DLGAP2: variants seen among roughly 807,000 people sequenced by gnomAD.
The protein encoded by DLGAP2 is DLG associated protein 2.
In DLGAP2, 26 loss-of-function variants were observed where a neutral mutation model predicts 100.3. The ratio of observed to expected loss-of-function variants is 0.26; its 90% CI spans 0.19 to 0.36. The LOEUF (loss-of-function observed/expected upper bound fraction) is 0.36. Ranked by LOEUF, DLGAP2 falls within the 10% of genes least tolerant of loss-of-function variation. The pLI is 1.00. For missense variants in DLGAP2, 1,858 were observed against 1,453.2 expected (o/e 1.28, Z -4.53); for synonymous variants, 886 against 630.1 (o/e 1.41, Z -6.08).
chr8:1,318,926 C>G (rs559756303), intron 3 of DLGAP2, among the ~76,000 whole-genome samples: 1 of 152,046 alleles, frequency 6.6e-6, no homozygotes, highest in South Asian at 2.1e-4. Flanking sequence ...AGGATTAACT[C>G]AAAACGCTCA....
chr8:1,697,908 A>G (rs1490313351), intron 14 of DLGAP2, among the ~76,000 whole-genome samples: 1 of 152,242 alleles, frequency 6.6e-6, no homozygotes, highest in Non-Finnish European at 1.5e-5. Flanking sequence ...CAGAAGAACT[A>G]GTAGATAGTT....
intron 2 of DLGAP2, among the ~76,000 whole-genome samples, chr8:1,230,843 T>G (rs73186531): frequency 0.13 from 20,003 of 152,140 alleles, 1,460 homozygotes; most frequent in South Asian, 0.19. Flanking sequence ...TTTCAGCATA[T>G]GCAAAAATTA....
intron 3 of DLGAP2, among the ~76,000 whole-genome samples, chr8:1,279,800 G>A (rs1585218268): frequency 6.6e-6 from 1 of 152,306 alleles, no homozygotes; most frequent in East Asian, 1.9e-4. Context: ...GCAGGTTGGA[G>A]TCTCATCACC....
intron 1 of DLGAP2, among the ~76,000 whole-genome samples, chr8:899,222 C>G (rs993935475): frequency 3.3e-5 from 5 of 152,242 alleles, no homozygotes; most frequent in African/African-American, 1.2e-4. Flanking sequence ...TCCTTCAGTC[C>G]TCAGCTGCCC....
At chr8:854,052 C>T (rs1056814903) in intron 1 of DLGAP2, among the ~76,000 whole-genome samples, 1 of 152,174 alleles carries the variant, frequency 6.6e-6, no homozygotes, top group Non-Finnish European at 1.5e-5. Context: ...AGGCCCTCGG[C>T]AGAGAGTGGA....
At chr8:810,005 T>A (rs1417185242) in intron 1 of DLGAP2, among the ~76,000 whole-genome samples, 3 of 152,236 alleles carry the variant, frequency 2.0e-5, no homozygotes, top group Admixed American at 1.3e-4. Context: ...ACTCTGCACC[T>A]GACAATCTGC....
At chr8:1,512,649 C>G (rs1184233908) in intron 4 of DLGAP2, among the ~76,000 whole-genome samples, 2 of 152,176 alleles carry the variant, frequency 1.3e-5, no homozygotes, top group Non-Finnish European at 2.9e-5. Context: ...TTGTTTTAGC[C>G]AAGCACGCTT....
chr8:940,377 AGG>A (rs1014973754), intron 2 of DLGAP2, among the ~76,000 whole-genome samples: 2 of 151,954 alleles, frequency 1.3e-5, no homozygotes, highest in African/African-American at 4.8e-5. Flanking sequence ...AGAGAGGGAG[AGG>A]GAGAGAGAGA....
intron 13 of DLGAP2, among the ~76,000 whole-genome samples, chr8:1,695,693 T>G (rs891316718): frequency 6.6e-6 from 1 of 152,110 alleles, no homozygotes; most frequent in Non-Finnish European, 1.5e-5. Flanking sequence ...TGTTCTTAGG[T>G]TGGCGAAGAC....
chr8:918,443 T>A (rs1798640358), intron 2 of DLGAP2, among the ~76,000 whole-genome samples: 1 of 152,192 alleles, frequency 6.6e-6, no homozygotes, highest in Non-Finnish European at 1.5e-5. Flanking sequence ...TAGACTGTTT[T>A]CTGATTGTGT....
chr8:983,670 C>G (rs1310682045), intron 2 of DLGAP2, among the ~76,000 whole-genome samples: 1 of 152,056 alleles, frequency 6.6e-6, no homozygotes, highest in Non-Finnish European at 1.5e-5. Context: ...TGGGATAGGA[C>G]CTTGCTCTGT....
At chr8:836,239 C>T (rs535371567) in intron 1 of DLGAP2, among the ~76,000 whole-genome samples, 4 of 152,314 alleles carry the variant, frequency 2.6e-5, no homozygotes, top group South Asian at 4.1e-4. Context: ...GCTTCCAGTG[C>T]CCCGCAAGGC....
At chr8:910,658 T>C (rs1169877662) in intron 2 of DLGAP2, 2 of 152,228 alleles carry the variant, frequency 1.3e-5, no homozygotes, top group African/African-American at 4.8e-5. Flanking sequence ...GCCTTTGGTT[T>C]GCAACCTACC....
At chr8:1,430,007 C>CATATATATATATATATATATATATATAT (rs60682299) in intron 3 of DLGAP2, among the ~76,000 whole-genome samples, 6 of 54,378 alleles carry the variant, frequency 1.1e-4, no homozygotes, top group Non-Finnish European at 1.8e-4. Flanking sequence ...CATATATATA[C>CATATATATATATATATATATATATATAT]ATATATATAT....
At chr8:1,267,220 A>C (rs1191449897) in intron 3 of DLGAP2, among the ~76,000 whole-genome samples, 2 of 147,604 alleles carry the variant, frequency 1.4e-5, no homozygotes, top group Non-Finnish European at 3.0e-5. Context: ...CAACAGAGCG[A>C]GACTTCATCT....
At chr8:771,181 C>T (rs866115034) in intron 1 of DLGAP2, among the ~76,000 whole-genome samples, 1 of 152,188 alleles carries the variant, frequency 6.6e-6, no homozygotes, top group Non-Finnish European at 1.5e-5. Context: ...AAACTCTAAA[C>T]ACTTAATCAT....
chr8:832,955 C>G (rs1324054091), intron 1 of DLGAP2, among the ~76,000 whole-genome samples: 3 of 152,166 alleles, frequency 2.0e-5, no homozygotes, highest in Non-Finnish European at 1.5e-5. Flanking sequence ...CCTCGTTTCT[C>G]TCACAACTCT....
chr8:1,528,759 A>C (rs1800881982), intron 4 of DLGAP2, among the ~76,000 whole-genome samples: 1 of 152,330 alleles, frequency 6.6e-6, no homozygotes, highest in South Asian at 2.1e-4. Flanking sequence ...TGGAAACAGG[A>C]GGATGAGCCA....
In DLGAP2 at chr8:1,226,224, C is replaced by T. The variant is rs36087431; in HGVS notation, c.74-32627C>T. 9.0e-3 allele frequency among the ~76,000 whole-genome samples: 1,363 copies of T among 152,150 alleles called. 12 individuals carry two copies. The highest frequency in any genetic ancestry group is 0.011 in the Non-Finnish European group (765 of 68,008). On this transcript the variant is annotated intron_variant, in intron 2 of 14. Coordinates refer to ENST00000637795, the MANE Select transcript of DLGAP2 (RefSeq NM_001346810.2). ...CACAAGAGCAAAGACACAGAATCAA[C>T]GCAAATGTCCATCAATGATAGACTG...
Sources: gnomAD v4.1 joint callset for allele counts (sites outside exome capture counted in the v4.1 genomes callset) on GRCh38, gnomAD v4.1.1 for gene constraint, MANE v1.5 for transcripts, NCBI Gene and HGNC (gene_info 2026-07-23, HGNC 2026-07-21) for gene names.